Variants in RSPH10B observed in about 807,000 individuals in gnomAD.
RSPH10B encodes the protein radial spoke head 10 homolog B.
In RSPH10B, 7 loss-of-function variants were observed where a neutral mutation model predicts 52.5. That is an observed-to-expected ratio of 0.13 (90% CI 0.08 to 0.25). RSPH10B has a LOEUF of 0.25. RSPH10B is among the 10% of genes least tolerant of loss of function. The pLI is 1.00. For missense variants in RSPH10B, 89 were observed against 542.5 expected (o/e 0.16, Z 8.30); for synonymous variants, 28 against 193.2 (o/e 0.14, Z 7.09).
At chr7:5,928,643 T>G (rs528757980) in intron 17 of RSPH10B, among the ~76,000 whole-genome samples, 22 of 143,900 alleles carry the variant, frequency 1.5e-4, no homozygotes, top group Non-Finnish European at 2.7e-4. Context: ...TGTTTTTTTT[T>G]TTTTTGGAGA....
chr7:5,970,532 GGCC>G (rs1382585137), upstream of RSPH10B: 3 of 144,884 alleles, frequency 2.1e-5, no homozygotes, highest in Non-Finnish European at 1.5e-5. Flanking sequence ...GGTCCTGGGA[GGCC>G]GCGTCAGTCC....
At chr7:5,950,430 G>A (rs1420411956) in intron 9 of RSPH10B, among the ~76,000 whole-genome samples, 1 of 150,012 alleles carries the variant, frequency 6.7e-6, no homozygotes, top group African/African-American at 2.4e-5. Context: ...ATATAGCTGG[G>A]GGTGGTGGTG....
intron 18 of RSPH10B, among the ~76,000 whole-genome samples, chr7:5,927,066 G>GTGTGTATA (rs1554284543): frequency 5.6e-5 from 6 of 107,330 alleles, no homozygotes; most frequent in African/African-American, 1.3e-4. Flanking sequence ...GTGTGTGTGT[G>GTGTGTATA]TATATGTGTG....
Position 5,926,407 on chromosome 7 carries a change from T to TG in RSPH10B, c.2573dup (p.Ser859IlefsTer29), listed in dbSNP as rs780874155. On this transcript the variant is annotated frameshift_variant, in exon 19 of 19. Coordinates refer to ENST00000337579, the Ensembl canonical transcript of RSPH10B. LOFTEE classifies it high-confidence loss of function. ...TCTTGCTGGTGATGGTCTTGCTGGATGGGGACACGGTCACATCCTCCTTGG... is the reference window on the plus strand; with the variant it reads ...TCTTGCTGGTGATGGTCTTGCTGGATGGGGGACACGGTCACATCCTCCTTGG... The TG allele has an allele frequency of 1.2e-5, 18 of 1,530,466 alleles. 1 individual carries two copies. Among genetic ancestry groups the TG allele is most frequent in the Non-Finnish European group, 1.6e-5 (18 of 1,117,654 alleles). 94.8% of individuals were successfully genotyped at this position (1,530,466 alleles called of 1,614,324 possible).
intron 13 of RSPH10B, among the ~76,000 whole-genome samples, chr7:5,940,942 A>AATTATTATT (rs752116609): frequency 1.1e-4 from 5 of 45,976 alleles, no homozygotes; most frequent in African/African-American, 2.1e-4. Flanking sequence ...TAATAATAAT[A>AATTATTATT]ATTATTATTA....
At position 5,958,610 on chromosome 7, in the gene RSPH10B, A is replaced by C. The variant is rs1449468694; in HGVS notation, c.659+383T>G. 5.5e-5 allele frequency among the ~76,000 whole-genome samples: 7 copies of C among 127,234 alleles called. No homozygotes were observed. In the East Asian group the frequency reaches 1.3e-3, roughly 23 times the overall value. 83.5% of individuals were successfully genotyped at this position (127,234 alleles called of 152,430 possible). On this transcript the variant is annotated intron_variant, in intron 5 of 18. Coordinates refer to ENST00000337579, the Ensembl canonical transcript of RSPH10B. ...TATTAAATCTTCTGACTATTTAATA[A>C]GGGGACAAAGTGGGTAAGAGCCGGG...
At chr7:5,963,995 G>A (rs71531357) in intron 3 of RSPH10B, among the ~76,000 whole-genome samples, 17,748 of 148,130 alleles carry the variant, frequency 0.12, 108 homozygotes, top group Middle Eastern at 0.18. Flanking sequence ...CAACAGGATC[G>A]CTTGAGCCTA....
chr7:5,940,934 A>AT (rs1414626768), intron 13 of RSPH10B, among the ~76,000 whole-genome samples: 10 of 71,830 alleles, frequency 1.4e-4, no homozygotes, highest in Admixed American at 9.5e-4. Context: ...AATAATAATA[A>AT]TAATAATAAT....
chr7:5,945,711 TTAAG>T (rs1232691014), intron 10 of RSPH10B, among the ~76,000 whole-genome samples: 1 of 48,572 alleles, frequency 2.1e-5, no homozygotes, highest in Non-Finnish European at 4.4e-5. Flanking sequence ...TAAATGGATT[TTAAG>T]TATGTTTCAA....
chr7:5,927,043 G>A (rs866538025), intron 18 of RSPH10B, among the ~76,000 whole-genome samples: 4 of 33,796 alleles, frequency 1.2e-4, no homozygotes, highest in South Asian at 8.8e-4. Context: ...GTGTGTGTGT[G>A]TGTATTATGT....
At chr7:5,941,516 G>A (rs868049946) in intron 13 of RSPH10B, among the ~76,000 whole-genome samples, 13 of 149,212 alleles carry the variant, frequency 8.7e-5, no homozygotes, top group Admixed American at 5.5e-4. Flanking sequence ...AGTCCGACAC[G>A]GGCGGATCAC....
intron 7 of RSPH10B, among the ~76,000 whole-genome samples, chr7:5,954,988 TAAAAAAAAAAAAA>T (rs1185408288): frequency 1.7e-4 from 4 of 24,162 alleles, no homozygotes; most frequent in African/African-American, 6.5e-4. Context: ...CTGTAACTAC[TAAAAAAAAAAAAA>T]AAAAAAAAAA....
chr7:5,940,944 T>TAA lies in RSPH10B; in HGVS notation c.1759-2116_1759-2115insTT, dbSNP rs1296464932. On this transcript the variant is annotated intron_variant, in intron 13 of 18. Coordinates refer to ENST00000337579, the Ensembl canonical transcript of RSPH10B. ...GTCAAAATAATAATAATAATAATAA[T>TAA]TATTATTATTATTATTATTATTATT... is the stretch of plus-strand genomic sequence containing the variant. Among the ~76,000 whole-genome samples, 436 of 62,478 alleles carry TAA rather than the reference T, an allele frequency of 7.0e-3. 39 individuals are homozygous for TAA. Among genetic ancestry groups the TAA allele is most frequent in the African/African-American group, 0.024 (410 of 16,992 alleles). 41.0% of individuals were successfully genotyped at this position (62,478 alleles called of 152,430 possible). A position where few individuals can be genotyped will look rare whatever the true frequency, so the allele number is the denominator to read the frequency against.
At chr7:5,944,422 G>GT (rs1256781714) in intron 11 of RSPH10B, among the ~76,000 whole-genome samples, 5 of 150,422 alleles carry the variant, frequency 3.3e-5, no homozygotes, top group African/African-American at 9.9e-5. Context: ...ATAAATAAAA[G>GT]TTTTTTTAAA....
intron 17 of RSPH10B, among the ~76,000 whole-genome samples, chr7:5,931,228 G>A (rs1233765217): frequency 2.1e-5 from 3 of 146,296 alleles, no homozygotes; most frequent in African/African-American, 5.0e-5. Context: ...CACCATGCCC[G>A]GCCAAGAGAA....
intron 9 of RSPH10B, among the ~76,000 whole-genome samples, chr7:5,950,010 A>AC (rs1491098373): frequency 1.9e-5 from 1 of 51,342 alleles, no homozygotes. Flanking sequence ...AAAAAAAAAA[A>AC]CAAAAAAAAA....
intron 6 of RSPH10B, 66 bp downstream of exon 8, chr7:5,957,841 T>C (rs2128637479): frequency 1.4e-6 from 2 of 1,460,654 alleles, no homozygotes; most frequent in Non-Finnish European, 1.8e-6. Flanking sequence ...AAAAGAAATA[T>C]ACATGTGTTG....
At chr7:5,956,080 G>A (rs1253740997) in exon 7 of RSPH10B, 1 of 5,718 alleles carries the variant, frequency 1.7e-4, no homozygotes, top group Admixed American at 6.5e-4. Flanking sequence ...TGCCACGTCC[G>A]TGACGATATC....
intron 18 of RSPH10B, among the ~76,000 whole-genome samples, chr7:5,927,070 A>AT (rs1554284566): frequency 5.5e-4 from 61 of 110,694 alleles, no homozygotes; most frequent in African/African-American, 1.3e-3. Context: ...GTGTGTGTAT[A>AT]TGTGTGTGTG....
Sources: gnomAD v4.1 joint callset for allele counts (sites outside exome capture counted in the v4.1 genomes callset) on GRCh38, gnomAD v4.1.1 for gene constraint, MANE v1.5 for transcripts, NCBI Gene and HGNC (gene_info 2026-07-23, HGNC 2026-07-21) for gene names.